Variants in MEIG1 observed in about 807,000 individuals in gnomAD.
MEIG1 encodes the protein meiosis expressed gene 1 protein homolog.
MEIG1 carries 12 observed loss-of-function variants against 11.3 expected under a neutral mutation model. The ratio of observed to expected loss-of-function variants is 1.07; its 90% CI spans 0.68 to 1.73. MEIG1 has a LOEUF of 1.73. Ranked by LOEUF, MEIG1 falls within the 40% of genes most tolerant of loss-of-function variation. The pLI is 0.00. For missense variants in MEIG1, 119 were observed against 104.9 expected (o/e 1.13, Z -0.59); for synonymous variants, 41 against 33.2 (o/e 1.24, Z -0.81).
At chr10:14,973,547 A>C (rs1843175247), downstream of MEIG1, among the ~76,000 whole-genome samples, 2 of 152,206 alleles carry the variant, frequency 1.3e-5, no homozygotes, top group Middle Eastern at 6.8e-3. Flanking sequence ...AGGAGGGTGA[A>C]TCATGAGGTC....
At chr10:14,979,432 A>G (rs1314738465) in intron 1 of MEIG1, among the ~76,000 whole-genome samples, 1 of 151,720 alleles carries the variant, frequency 6.6e-6, no homozygotes, top group East Asian at 1.9e-4. Flanking sequence ...TTCACAATAT[A>G]CTAGCGGGAT....
chr10:14,954,957 G>T (rs1842899488), upstream of MEIG1, among the ~76,000 whole-genome samples: 1 of 152,070 alleles, frequency 6.6e-6, no homozygotes, highest in South Asian at 2.1e-4. Flanking sequence ...ATTCAGTTGG[G>T]GTCTAGTTCT....
intron 2 of MEIG1, among the ~76,000 whole-genome samples, chr10:14,969,843 T>C (rs1439143205): frequency 6.6e-6 from 1 of 152,120 alleles, no homozygotes; most frequent in Non-Finnish European, 1.5e-5. Context: ...CACAAAAAAT[T>C]TGTTGACTGA....
intron 1 of MEIG1, among the ~76,000 whole-genome samples, chr10:14,984,206 G>T (rs535764096): frequency 1.0e-3 from 157 of 150,588 alleles, no homozygotes; most frequent in Admixed American, 1.7e-3. Context: ...CCCGCATCGT[G>T]GGGGGAGCCC....
chr10:14,983,204 G>A (rs1387155352), intron 1 of MEIG1, among the ~76,000 whole-genome samples: 2 of 152,032 alleles, frequency 1.3e-5, no homozygotes, highest in Non-Finnish European at 2.9e-5. Flanking sequence ...AGGGGGTGGC[G>A]TATGAAGTTA....
intron 1 of MEIG1, among the ~76,000 whole-genome samples, chr10:14,961,638 A>ATTTTTTTTTTTTTTTTT (rs34536061): frequency 0.011 from 854 of 76,468 alleles, 170 homozygotes; most frequent in East Asian, 0.017. Flanking sequence ...CATCCGGCTA[A>ATTTTTTTTTTTTTTTTT]TTTTTTTTTT....
upstream of MEIG1, among the ~76,000 whole-genome samples, chr10:14,958,925 C>A (rs942646664): frequency 2.0e-5 from 3 of 151,986 alleles, no homozygotes; most frequent in East Asian, 1.9e-4. Flanking sequence ...AAACAAAAAA[C>A]CGTATATCTT....
chr10:14,960,485 C>T (rs1213456816), intron 1 of MEIG1, among the ~76,000 whole-genome samples: 1 of 152,064 alleles, frequency 6.6e-6, no homozygotes. Flanking sequence ...GTGGCGGGAT[C>T]TCGGCTCACT....
chr10:14,979,721 A>C (rs1352268411), intron 1 of MEIG1, among the ~76,000 whole-genome samples: 1 of 151,786 alleles, frequency 6.6e-6, no homozygotes, highest in Admixed American at 6.6e-5. Context: ...GGGTGTGTAC[A>C]CCCCTTGATA....
upstream of MEIG1, among the ~76,000 whole-genome samples, chr10:14,956,678 G>A (rs1366703089): frequency 6.6e-6 from 1 of 152,212 alleles, no homozygotes; most frequent in Non-Finnish European, 1.5e-5. Context: ...ATGTGATGGT[G>A]AAGCTTAATT....
rs548259855 is a variant in MEIG1, at chr10:14,963,698, C to A, written c.-29-2742C>A. Among the ~76,000 whole-genome samples the A allele has an allele frequency of 5.1e-4, 78 of 152,262 alleles. 1 individual carries two copies. Among genetic ancestry groups the A allele is most frequent in the Admixed American group, 5.0e-3 (77 of 15,282 alleles). ...TGTAAAACTGGACCGGGTGCGGTGG[C>A]TTACACCTGTAATCACAGCACTTTG... On this transcript the variant is annotated intron_variant, in intron 1 of 2. Transcript: ENST00000407572.
chr10:14,974,695 C>T (rs1054058469), downstream of MEIG1, among the ~76,000 whole-genome samples: 4 of 151,998 alleles, frequency 2.6e-5, no homozygotes, highest in Non-Finnish European at 5.9e-5. Flanking sequence ...TGATAATTCA[C>T]ATTAAAGAGT....
At chr10:14,981,566 C>T (rs535061636) in intron 1 of MEIG1, among the ~76,000 whole-genome samples, 9 of 152,060 alleles carry the variant, frequency 5.9e-5, no homozygotes, top group Non-Finnish European at 1.2e-4. Context: ...TGTTCAGCAC[C>T]GGTATCTACA....
chr10:14,981,698 A>T (rs1033585677), intron 1 of MEIG1, among the ~76,000 whole-genome samples: 3 of 152,064 alleles, frequency 2.0e-5, no homozygotes, highest in South Asian at 2.1e-4. Context: ...CCTTCCTCCT[A>T]GTCCAGGGCC....
In MEIG1 at chr10:14,972,617, C is replaced by T. The variant is rs767680594; in HGVS notation, c.243C>T (p.His81=). Residue 81 remains histidine (H), a synonymous_variant, in exon 3 of 3, where the codon CAC becomes CAT. Coordinates refer to ENST00000407572, the MANE Select transcript of MEIG1 (RefSeq NM_001080836.3). ...GGGAATGTGATGACAAAGAAGTCCA[C>T]AAAGTGAAAATTTATGCTTACTAGC... is the stretch of plus-strand genomic sequence containing the variant. ...KQRECDDKEV[H]KVKIYAY is the part of the protein sequence containing the mutation. 10 of 1,611,542 alleles carry T rather than the reference C, an allele frequency of 6.2e-6. No homozygotes were observed. The highest frequency in any genetic ancestry group is 8.5e-6 in the Non-Finnish European group (10 of 1,178,954).
At chr10:14,962,028 C>T (rs1843020763) in intron 1 of MEIG1, among the ~76,000 whole-genome samples, 1 of 152,068 alleles carries the variant, frequency 6.6e-6, no homozygotes, top group Non-Finnish European at 1.5e-5. Flanking sequence ...TGGTCTTGAA[C>T]TCGGACTCAA....
At chr10:14,965,211 A>G (rs572397413) in intron 1 of MEIG1, among the ~76,000 whole-genome samples, 191 of 152,224 alleles carry the variant, frequency 1.3e-3, no homozygotes, top group Non-Finnish European at 2.0e-3. Context: ...GTTTCAGCCA[A>G]TAGAAATATA....
chr10:14,984,186 G>C (rs572341421), intron 1 of MEIG1, among the ~76,000 whole-genome samples: 1 of 151,380 alleles, frequency 6.6e-6, no homozygotes, highest in Non-Finnish European at 1.5e-5. Context: ...AGAGGGGGGT[G>C]CTATTACTCC....
intron 1 of MEIG1, among the ~76,000 whole-genome samples, chr10:14,982,978 T>C (rs1843280350): frequency 6.6e-6 from 1 of 152,080 alleles, no homozygotes; most frequent in African/African-American, 2.4e-5. Flanking sequence ...TTATGAGCAA[T>C]TATTTCTTAA....
Sources: gnomAD v4.1 joint callset for allele counts (sites outside exome capture counted in the v4.1 genomes callset) on GRCh38, gnomAD v4.1.1 for gene constraint, MANE v1.5 for transcripts, NCBI Gene and HGNC (gene_info 2026-07-23, HGNC 2026-07-21) for gene names.